Variants in DCLK2 observed in about 807,000 individuals in gnomAD.
DCLK2 encodes doublecortin like kinase 2, also known as serine/threonine-protein kinase DCLK2.
DCLK2 carries 31 observed loss-of-function variants against 78.4 expected under a neutral mutation model. The observed-to-expected ratio is 0.40, with a 90% CI of 0.30 to 0.53. The LOEUF (loss-of-function observed/expected upper bound fraction) is 0.53. Ranked by LOEUF, DCLK2 falls within the 20% of genes least tolerant of loss-of-function variation. DCLK2 has a pLI of 0.61. For missense variants in DCLK2, 872 were observed against 973.7 expected (o/e 0.90, Z 1.39); for synonymous variants, 407 against 374.9 (o/e 1.09, Z -0.99).
At chr4:150,161,519 A>G (rs2150244907) in intron 2 of DCLK2, among the ~76,000 whole-genome samples, 1 of 152,334 alleles carries the variant, frequency 6.6e-6, no homozygotes, top group Non-Finnish European at 1.5e-5. Flanking sequence ...AATTTATAAG[A>G]CATGAGACTG....
At chr4:150,204,159 G>T (rs1739666891) in intron 5 of DCLK2, among the ~76,000 whole-genome samples, 1 of 152,184 alleles carries the variant, frequency 6.6e-6, no homozygotes, top group Non-Finnish European at 1.5e-5. Flanking sequence ...ATGTGGTAAA[G>T]TATAATAAAT....
At chr4:150,194,845 A>T (rs563965695) in intron 3 of DCLK2, among the ~76,000 whole-genome samples, 10 of 152,086 alleles carry the variant, frequency 6.6e-5, no homozygotes, top group African/African-American at 2.4e-4. Context: ...GGCTTTTAAA[A>T]TTTTGAGAGG....
chr4:150,213,110 G>A (rs1376617578), intron 5 of DCLK2, among the ~76,000 whole-genome samples: 2 of 152,252 alleles, frequency 1.3e-5, no homozygotes, highest in African/African-American at 2.4e-5. Flanking sequence ...CTTACTCAGA[G>A]GGGTGCGATG....
chr4:150,107,378 GTT>G (rs201080236), intron 2 of DCLK2, among the ~76,000 whole-genome samples: 8 of 125,162 alleles, frequency 6.4e-5, no homozygotes, highest in African/African-American at 3.1e-5. Flanking sequence ...TTTGGTTATT[GTT>G]TTTTTTTTTT....
intron 3 of DCLK2, among the ~76,000 whole-genome samples, chr4:150,195,077 C>T (rs559691122): frequency 5.5e-4 from 76 of 139,022 alleles, no homozygotes; most frequent in African/African-American, 1.7e-3. Context: ...TGTCCTGTTA[C>T]GTTATCTGTG....
At chr4:150,137,239 G>A (rs1383983190) in intron 2 of DCLK2, among the ~76,000 whole-genome samples, 5 of 152,032 alleles carry the variant, frequency 3.3e-5, no homozygotes, top group African/African-American at 4.8e-5. Flanking sequence ...GCTGGGACAG[G>A]TTGTCTGGGG....
chr4:150,234,781 C>A (rs911197778), intron 10 of DCLK2, among the ~76,000 whole-genome samples: 1 of 150,362 alleles, frequency 6.7e-6, no homozygotes, highest in Non-Finnish European at 1.5e-5. Flanking sequence ...GGATTGTGGA[C>A]GTGGTTTTAT....
chr4:150,223,616 T>C (rs1471596702), intron 7 of DCLK2, among the ~76,000 whole-genome samples: 1 of 152,012 alleles, frequency 6.6e-6, no homozygotes, highest in Admixed American at 6.6e-5. Flanking sequence ...TGTTGGCAGG[T>C]GCCTGTAATC....
At chr4:150,246,628 G>A (rs1743331256) in intron 12 of DCLK2, among the ~76,000 whole-genome samples, 1 of 151,992 alleles carries the variant, frequency 6.6e-6, no homozygotes, top group African/African-American at 2.4e-5. Flanking sequence ...GTAATGGCCT[G>A]GAAAACTAGT....
chr4:150,221,130 T>C (rs1036604253), intron 6 of DCLK2, among the ~76,000 whole-genome samples: 13 of 152,180 alleles, frequency 8.5e-5, no homozygotes, highest in Non-Finnish European at 1.5e-5. Flanking sequence ...CTGGGACATG[T>C]AGTGAGAAGT....
chr4:150,083,657 A>T (rs1729452093), intron 1 of DCLK2, among the ~76,000 whole-genome samples: 1 of 152,190 alleles, frequency 6.6e-6, no homozygotes, highest in African/African-American at 2.4e-5. Context: ...TTATTATGGT[A>T]AGAAGGAAAT....
chr4:150,113,008 G>T (rs1409701790), intron 2 of DCLK2, among the ~76,000 whole-genome samples: 2 of 151,760 alleles, frequency 1.3e-5, no homozygotes, highest in African/African-American at 4.8e-5. Context: ...ACAGAGTTTT[G>T]TCATGTTGGC....
intron 2 of DCLK2, among the ~76,000 whole-genome samples, chr4:150,107,669 AC>A (rs1731368145): frequency 6.6e-6 from 1 of 152,012 alleles, no homozygotes; most frequent in Non-Finnish European, 1.5e-5. Flanking sequence ...GATGCTGCAC[AC>A]CCAGCCAGTT....
At chr4:150,227,660 A>T (rs1741718096) in intron 8 of DCLK2, among the ~76,000 whole-genome samples, 1 of 152,198 alleles carries the variant, frequency 6.6e-6, no homozygotes, top group Admixed American at 6.5e-5. Context: ...ATGCTATGGT[A>T]TTTATAAATT....
chr4:150,185,303 A>G (rs1204544159), intron 2 of DCLK2, among the ~76,000 whole-genome samples: 2 of 152,228 alleles, frequency 1.3e-5, no homozygotes, highest in African/African-American at 4.8e-5. Context: ...GACCACCCCC[A>G]TGATCTAATT....
Position 150,247,618 on chromosome 4 carries a change from G to A in DCLK2, c.1794G>A (p.Gln598=). The A allele has an allele frequency of 1.2e-6, 2 of 1,613,962 alleles. No individual in the cohort carries two copies. Among genetic ancestry groups the A allele is most frequent in the Non-Finnish European group, 1.7e-6 (2 of 1,179,940 alleles). ...ACTGGCTTAGTGAGAACAATCTCCA[G>A]GAAGATCTCTTCGACCAGATCTTGG... is the stretch of plus-strand genomic sequence containing the variant. The part of the protein sequence containing the change: ...FPPFRSENNL[Q]EDLFDQILAG... The change falls in exon 13 of 16, where the codon CAG becomes CAA. Residue 598 remains glutamine (Q), a synonymous_variant. Coordinates refer to ENST00000296550, the MANE Select transcript of DCLK2 (RefSeq NM_001040260.4).
chr4:150,146,726 A>G (rs778507583), intron 2 of DCLK2, among the ~76,000 whole-genome samples: 4 of 152,208 alleles, frequency 2.6e-5, no homozygotes, highest in African/African-American at 7.2e-5. Context: ...GTTATTTACT[A>G]TTAAAGAATC....
intron 5 of DCLK2, among the ~76,000 whole-genome samples, chr4:150,216,746 C>T (rs1003406366): frequency 2.0e-5 from 3 of 152,142 alleles, no homozygotes; most frequent in Admixed American, 6.5e-5. Flanking sequence ...GGTGCAGGGG[C>T]ACCAGATCCC....
At position 150,198,134 on chromosome 4, in the gene DCLK2, A is replaced by G. The variant is rs771704466; in HGVS notation, c.961+31A>G. The G allele has an allele frequency of 2.1e-5, 32 of 1,560,594 alleles. No individual in the cohort carries two copies. In the East Asian group the frequency reaches 7.2e-4, roughly 35 times the overall value. On this transcript the variant is annotated intron_variant, in intron 4 of 15. Transcript: ENST00000296550. ...TAATGGAAAAGGAATAGATGGTCAT[A>G]GCAGGAACAGATCATTTTCCTTCTG...
Sources: gnomAD v4.1 joint callset for allele counts (sites outside exome capture counted in the v4.1 genomes callset) on GRCh38, gnomAD v4.1.1 for gene constraint, MANE v1.5 for transcripts, NCBI Gene and HGNC (gene_info 2026-07-23, HGNC 2026-07-21) for gene names.